Variants in PSG7 observed in about 807,000 individuals in gnomAD.
The protein encoded by PSG7 is pregnancy-specific beta-1-glycoprotein 7.
A neutral mutation model predicts 45.6 loss-of-function variants in PSG7; 57 were observed. The ratio of observed to expected loss-of-function variants is 1.25; its 90% CI spans 1.01 to 1.56. The LOEUF is 1.56. PSG7 is among the 40% of genes most tolerant of loss of function. The probability of loss-of-function intolerance (pLI) is 0.00; values close to 1 mark genes in which losing one functional copy is unlikely to be tolerated. For missense variants in PSG7, 796 were observed against 508.4 expected, an observed-to-expected ratio of 1.57 and a Z score of -5.44; for synonymous variants, 298 against 194.4, an observed-to-expected ratio of 1.53 and a Z score of -4.43.
rs1403646751 is a variant in PSG7, at chr19:42,925,754, G to A, written c.1243+19C>T. 18 of 1,611,708 alleles carry A rather than the reference G, an allele frequency of 1.1e-5. 1 individual carries two copies. The Admixed American group carries it at 1.3e-4, about 12-fold the overall frequency. ...CTGCACCTAAAACCCTATTGCCAAG[G>A]ATGCTGGGATCCACTTACCAGAGAC... On this transcript the variant is annotated intron_variant, in intron 5 of 5. Transcript: ENST00000406070.
intron 2 of PSG7, among the ~76,000 whole-genome samples, chr19:42,933,307 A>ATATATATATATGTATATATATTT (rs56691588): frequency 7.4e-5 from 1 of 13,506 alleles, no homozygotes; most frequent in Non-Finnish European, 1.6e-4. Flanking sequence ...ATATATATAT[A>ATATATATATATGTATATATATTT]TTTTTTTTTT....
Position 42,924,634 on chromosome 19 carries a change from T to G in PSG7, c.*174A>C. Reference sequence around the variant, plus strand: ...TGTTTACAGTTTGAGCAGCTGTTGTTATGGTGTTGAACATTTTGGTGAGTT... The same window carrying G: ...TGTTTACAGTTTGAGCAGCTGTTGTGATGGTGTTGAACATTTTGGTGAGTT... On this transcript the variant is annotated 3_prime_UTR_variant, in exon 6 of 6. Coordinates refer to ENST00000406070, the MANE Select transcript of PSG7 (RefSeq NM_002783.3). The G allele has an allele frequency of 4.3e-6, 3 of 693,390 alleles. No homozygotes were observed. Among genetic ancestry groups the G allele is most frequent in the Non-Finnish European group, 5.2e-6 (2 of 384,066 alleles). 43.0% of individuals were successfully genotyped at this position (693,390 alleles called of 1,614,324 possible). A position where few individuals can be genotyped will look rare whatever the true frequency, so the allele number is the denominator to read the frequency against.
rs1972962607 is a variant in PSG7, at chr19:42,929,229, T to C, written c.709+213A>G. 1.4e-5 allele frequency: 16 copies of C among 1,152,294 alleles called. 1 individual carries two copies. The highest frequency in any genetic ancestry group is 1.9e-5 in the Non-Finnish European group (16 of 828,174). The allele number at this position is 1,152,294 out of a possible 1,614,324, so 71.4% of individuals were successfully genotyped here. On this transcript the variant is annotated intron_variant, in intron 3 of 5. Transcript: ENST00000406070. ...TTCTTCCATCACAAGCTGTGGACCC[T>C]GAGTCTCCCATGACAGGAGCAGCCT...
At chr19:42,933,645 G>A (rs1242117470) in intron 2 of PSG7, among the ~76,000 whole-genome samples, 4 of 150,800 alleles carry the variant, frequency 2.7e-5, no homozygotes, top group Non-Finnish European at 1.5e-5. Flanking sequence ...AGGCCTAGCA[G>A]TGGAGGAAGA....
intron 2 of PSG7, among the ~76,000 whole-genome samples, chr19:42,931,451 A>G (rs188700081): frequency 6.6e-6 from 1 of 151,650 alleles, no homozygotes; most frequent in African/African-American, 2.4e-5. Context: ...AAAAGAAGTG[A>G]TGAGTGTTAT....
intron 1 of PSG7, 82 bp from the exon 2 acceptor site, chr19:42,935,851 C>G (rs62110917): frequency 0.16 from 233,336 of 1,488,012 alleles, 25,728 homozygotes; most frequent in East Asian, 0.43. Context: ...CTGAGAAGGT[C>G]TCTTCAATCC....
chr19:42,937,190 C>T lies in PSG7; in HGVS notation c.-114G>A, dbSNP rs372691151. 1.0e-4 allele frequency: 149 copies of T among 1,447,456 alleles called. 2 individuals are homozygous for T. Among genetic ancestry groups the T allele is most frequent in the South Asian group, 4.5e-4 (34 of 75,050 alleles). 89.7% of individuals were successfully genotyped at this position (1,447,456 alleles called of 1,614,324 possible). On this transcript the variant is annotated 5_prime_UTR_variant, in exon 1 of 6. Transcript: ENST00000406070. ...CCTCCTTCTGCACTGAGCCTCTTCC[C>T]GGGGCAGGAGCACTTCTCAAGCTCA...
chr19:42,933,878 T>C (rs1482188228), intron 2 of PSG7, among the ~76,000 whole-genome samples: 1 of 151,200 alleles, frequency 6.6e-6, no homozygotes, highest in African/African-American at 2.4e-5. Context: ...GTGGGGTGGC[T>C]TTAGGGGCAA....
rs1447848938 is a variant in PSG7 at position 42,934,752 on chromosome 19, G to A, written c.430+652C>T. ...TTAGACTTTCTATGGAGTGTCCTAG[G>A]CCTCCTAAGGCAGTTGGCTGATGGC... On this transcript the variant is annotated intron_variant, in intron 2 of 5. Transcript: ENST00000406070. 1.2e-4 allele frequency among the ~76,000 whole-genome samples: 18 copies of A among 151,508 alleles called. 1 individual carries two copies. The East Asian group carries it at 3.5e-3, about 30-fold the overall frequency.
At chr19:42,928,938 A>T (rs1352058078) in intron 3 of PSG7, among the ~76,000 whole-genome samples, 1 of 151,582 alleles carries the variant, frequency 6.6e-6, no homozygotes. Flanking sequence ...ATCAGCCAAG[A>T]ATGCTCGGCC....
chr19:42,929,203 T>C, intron 3 of PSG7: 1 of 942,610 alleles, frequency 1.1e-6, no homozygotes, highest in Non-Finnish European at 1.5e-6. Flanking sequence ...CATTCACCTG[T>C]TTCTTCCATC....
chr19:42,931,701 T>C (rs748213153), intron 2 of PSG7, among the ~76,000 whole-genome samples: 26 of 151,360 alleles, frequency 1.7e-4, no homozygotes, highest in Non-Finnish European at 2.5e-4. Flanking sequence ...GAGGAAACAG[T>C]TGTATGTGGC....
In PSG7 at chr19:42,926,573, T is replaced by C; in HGVS notation, c.853A>G (p.Arg285Gly). Residue 285 changes from arginine (R) to glycine (G), a missense_variant, in exon 4 of 6, where the codon AGG becomes GGG. Physicochemically the swap from Arg to Gly is moderately radical, Grantham distance 125. Coordinates refer to ENST00000406070, the MANE Select transcript of PSG7 (RefSeq NM_002783.3). ...LNGQSLPVSP[R>G]VKRRIENRIL... The stretch of plus-strand genomic sequence containing the variant: ...CTGTTTTCAATGCGTCGCTTTACCC[T>C]GGGACTGACCGGGAGGCTCTGACCA... 6.2e-7 allele frequency: 1 copy of C among 1,610,438 alleles called. No individual in the cohort carries two copies. Among genetic ancestry groups the C allele is most frequent in the Non-Finnish European group, 8.5e-7 (1 of 1,179,044 alleles).
rs538461664 is a variant in PSG7 at position 42,935,334 on chromosome 19, C to T, written c.430+70G>A. ...GGACACAGGCACAGTCCAGGCCTGA[C>T]AATTCTGTGTGTGTGAAGTAGAAAT... is the stretch of plus-strand genomic sequence containing the variant. On this transcript the variant is annotated intron_variant, in intron 2 of 5. Transcript: ENST00000406070. 87 of 1,562,026 alleles carry T rather than the reference C, an allele frequency of 5.6e-5. 1 individual carries two copies. In the African/African-American group the frequency reaches 1.1e-3, roughly 19 times the overall value.
chr19:42,925,051 C>T, intron 5 of PSG7: 1 of 552,580 alleles, frequency 1.8e-6, no homozygotes, highest in Non-Finnish European at 3.2e-6. Flanking sequence ...TATGTAGGCT[C>T]TCTTTTAAAA....
chr19:42,926,830 G>A, intron 3 of PSG7, 114 bp from the exon 4 acceptor site: 1 of 1,508,518 alleles, frequency 6.6e-7, no homozygotes, highest in Non-Finnish European at 9.0e-7. Context: ...GTCCTTGAAA[G>A]CCAATAGCTG....
rs1408852280 is a variant in PSG7 at position 42,935,534 on chromosome 19, T to A, written c.300A>T (p.Thr100=). 9.9e-6 allele frequency: 16 copies of A among 1,612,222 alleles called. No individual in the cohort carries two copies. The highest frequency in any genetic ancestry group is 1.4e-5 in the Non-Finnish European group (16 of 1,179,042). The part of the protein sequence containing the change: ...KYGPAYSGRE[T]VYSNASLLIQ... ...TCAGCAGGGATGCATTGGAATATAC[T>A]GTTTCTCGTCCACTGTATGCAGGCC... Residue 100 remains threonine (T), a synonymous_variant, in exon 2 of 6, where the codon ACA becomes ACT. Coordinates refer to ENST00000406070, the MANE Select transcript of PSG7 (RefSeq NM_002783.3).
intron 2 of PSG7, among the ~76,000 whole-genome samples, chr19:42,934,146 G>A (rs1043973999): frequency 1.3e-5 from 2 of 151,398 alleles, no homozygotes; most frequent in Non-Finnish European, 2.9e-5. Flanking sequence ...AGTGACATGG[G>A]AACTTTGGGA....
chr19:42,935,111 T>C (rs1422521584), intron 2 of PSG7, among the ~76,000 whole-genome samples: 1 of 151,778 alleles, frequency 6.6e-6, no homozygotes, highest in African/African-American at 2.4e-5. Flanking sequence ...CAGGGTCAAA[T>C]TTATGAAGAG....
Sources: allele counts gnomAD v4.1 joint callset (sites outside exome capture counted in the v4.1 genomes callset), GRCh38; gene constraint gnomAD v4.1.1; transcripts MANE v1.5; gene names NCBI Gene and HGNC (gene_info 2026-07-23, HGNC 2026-07-21).